Variants in HSDL2 observed in about 807,000 individuals in gnomAD.
The protein encoded by HSDL2 is hydroxysteroid dehydrogenase-like protein 2.
In HSDL2, 27 loss-of-function variants were observed where a neutral mutation model predicts 46.3. That is an observed-to-expected ratio of 0.58 (90% CI 0.43 to 0.80). HSDL2 has a LOEUF of 0.80. Ranked by LOEUF, HSDL2 falls within the 30% of genes least tolerant of loss-of-function variation. The probability of loss-of-function intolerance (pLI) is 0.00; values close to 1 mark genes in which losing one functional copy is unlikely to be tolerated. For missense variants in HSDL2, 451 were observed against 502.7 expected, an observed-to-expected ratio of 0.90 and a Z score of 0.98; for synonymous variants, 153 against 163.6, an observed-to-expected ratio of 0.94 and a Z score of 0.50.
intron 6 of HSDL2, among the ~76,000 whole-genome samples, chr9:112,434,437 A>G (rs954651718): frequency 6.6e-6 from 1 of 152,238 alleles, no homozygotes; most frequent in Non-Finnish European, 1.5e-5. Context: ...CTGGTGCTAG[A>G]AATCAAAACC....
At chr9:112,466,284 G>A (rs1300548284) in intron 10 of HSDL2, among the ~76,000 whole-genome samples, 1 of 152,190 alleles carries the variant, frequency 6.6e-6, no homozygotes, top group Admixed American at 6.5e-5. Context: ...GCCAGGCGCA[G>A]TGGCTCACCT....
At chr9:112,413,530 AT>A (rs1831926690) in intron 4 of HSDL2, among the ~76,000 whole-genome samples, 5 of 152,068 alleles carry the variant, frequency 3.3e-5, no homozygotes, top group Admixed American at 1.3e-4. Context: ...TTTCTATTTT[AT>A]TTTATTTTTA....
At chr9:112,401,013 A>T (rs1831578599) in intron 1 of HSDL2, among the ~76,000 whole-genome samples, 1 of 152,220 alleles carries the variant, frequency 6.6e-6, no homozygotes, top group African/African-American at 2.4e-5. Context: ...TGGGGGACAC[A>T]ATTCAATCAA....
chr9:112,413,508 AG>A (rs1831925772), intron 4 of HSDL2, among the ~76,000 whole-genome samples: 4 of 151,836 alleles, frequency 2.6e-5, no homozygotes, highest in African/African-American at 7.3e-5. Context: ...AAAAAAGAAA[AG>A]AAAAGAAATA....
intron 8 of HSDL2, among the ~76,000 whole-genome samples, chr9:112,451,576 T>A (rs1382728691): frequency 6.6e-6 from 1 of 152,242 alleles, no homozygotes; most frequent in Non-Finnish European, 1.5e-5. Flanking sequence ...CTTGCTCTTT[T>A]TAAAGTAGAA....
intron 1 of HSDL2, among the ~76,000 whole-genome samples, chr9:112,392,855 AGT>A (rs1366607193): frequency 6.6e-6 from 1 of 152,242 alleles, no homozygotes; most frequent in African/African-American, 2.4e-5. Context: ...AAGAGATTAA[AGT>A]AAAGACAGGC....
chr9:112,463,870 A>G (rs1159950000), intron 10 of HSDL2, among the ~76,000 whole-genome samples: 1 of 151,794 alleles, frequency 6.6e-6, no homozygotes, highest in African/African-American at 2.4e-5. Context: ...CATGTTGGCC[A>G]GGCTGGTCTC....
At chr9:112,436,960 CTTTTTTTT>C (rs780957603) in intron 6 of HSDL2, among the ~76,000 whole-genome samples, 1 of 126,782 alleles carries the variant, frequency 7.9e-6, no homozygotes, top group Non-Finnish European at 1.6e-5. Context: ...TTCTTTTTTT[CTTTTTTTT>C]TTTTTTTTTG....
At chr9:112,424,096 G>T (rs1158752309) in intron 6 of HSDL2, among the ~76,000 whole-genome samples, 1 of 151,580 alleles carries the variant, frequency 6.6e-6, no homozygotes, top group African/African-American at 2.4e-5. Flanking sequence ...TGAGGTGGGC[G>T]GATCACGAGG....
intron 5 of HSDL2, among the ~76,000 whole-genome samples, chr9:112,418,273 A>G (rs1431849466): frequency 6.6e-6 from 1 of 152,060 alleles, no homozygotes; most frequent in Non-Finnish European, 1.5e-5. Flanking sequence ...TATATTATTG[A>G]AAAGAATTCT....
intron 8 of HSDL2, among the ~76,000 whole-genome samples, chr9:112,449,827 A>T (rs12345676): frequency 0.96 from 145,174 of 151,894 alleles, 69,435 homozygotes; most frequent in African/African-American, 0.98. Flanking sequence ...AGTGGAACTC[A>T]GTTTCAAAAA....
chr9:112,422,941 G>A (rs1385974355), intron 6 of HSDL2, among the ~76,000 whole-genome samples: 3 of 152,192 alleles, frequency 2.0e-5, no homozygotes, highest in East Asian at 1.9e-4. Context: ...ACATCTGTAC[G>A]TTGCTGATAC....
intron 6 of HSDL2, among the ~76,000 whole-genome samples, chr9:112,422,400 C>A (rs1832145603): frequency 6.6e-6 from 1 of 152,034 alleles, no homozygotes; most frequent in South Asian, 2.1e-4. Context: ...AAACAAAAAT[C>A]CTGACATAAG....
chr9:112,385,802 A>AT (rs993076664), intron 1 of HSDL2, among the ~76,000 whole-genome samples: 3 of 150,296 alleles, frequency 2.0e-5, no homozygotes, highest in Non-Finnish European at 3.0e-5. Flanking sequence ...CAATTTTTGT[A>AT]TTTTTTAGTA....
At chr9:112,456,999 T>C (rs1373743145) in intron 9 of HSDL2, among the ~76,000 whole-genome samples, 1 of 152,016 alleles carries the variant, frequency 6.6e-6, no homozygotes, top group Non-Finnish European at 1.5e-5. Context: ...AATATAAAAA[T>C]TAGCCGGGCT....
rs1445758073 is a variant in HSDL2, at chr9:112,437,451, C to A, written c.599-980C>A. 4.6e-5 allele frequency among the ~76,000 whole-genome samples: 7 copies of A among 152,188 alleles called. No homozygotes were observed. The East Asian group carries it at 9.6e-4, about 21-fold the overall frequency. Reference sequence around the variant, plus strand: ...ATCTCAGATACCAGTCTGTTTCTTACAATAGATGATATATCATAATTTAAT... The same window carrying A: ...ATCTCAGATACCAGTCTGTTTCTTAAAATAGATGATATATCATAATTTAAT... On this transcript the variant is annotated intron_variant, in intron 6 of 10. Transcript: ENST00000398805.
chr9:112,448,410 T>A (rs1254494258), intron 8 of HSDL2, among the ~76,000 whole-genome samples: 3 of 152,232 alleles, frequency 2.0e-5, no homozygotes. Context: ...GACATTTTTT[T>A]AATCAGAGAA....
intron 1 of HSDL2, among the ~76,000 whole-genome samples, chr9:112,395,662 G>A (rs994094001): frequency 2.0e-5 from 3 of 152,240 alleles, no homozygotes; most frequent in African/African-American, 7.2e-5. Flanking sequence ...AACTATGAGA[G>A]GCCAATTCTT....
chr9:112,466,007 T>C lies in HSDL2; in HGVS notation c.1145-4425T>C, dbSNP rs538894286. Among the ~76,000 whole-genome samples, 10 of 152,364 alleles carry C rather than the reference T, an allele frequency of 6.6e-5. 1 individual carries two copies. The East Asian group carries it at 1.9e-3, about 29-fold the overall frequency. Reference sequence around the variant, plus strand: ...GCATCATTTACATTCCCAACGGCAATGTACAAGGATTTCTATTTTTCCATA... The same window carrying C: ...GCATCATTTACATTCCCAACGGCAACGTACAAGGATTTCTATTTTTCCATA... On this transcript the variant is annotated intron_variant, in intron 10 of 10. Coordinates refer to ENST00000398805, the MANE Select transcript of HSDL2 (RefSeq NM_032303.5).
Sources: allele counts gnomAD v4.1 joint callset (sites outside exome capture counted in the v4.1 genomes callset), GRCh38; gene constraint gnomAD v4.1.1; transcripts MANE v1.5; gene names NCBI Gene and HGNC (gene_info 2026-07-23, HGNC 2026-07-21).